Variants in EYS observed in about 807,000 individuals in gnomAD.
EYS encodes the protein protein eyes shut homolog.
In EYS, 250 loss-of-function variants were observed where a neutral mutation model predicts 282.1. That is an observed-to-expected ratio of 0.89 (90% CI 0.80 to 0.98). The LOEUF is 0.98. EYS is among the 50% of genes least tolerant of loss of function. The pLI is 0.00. For synonymous variants in EYS, 1,355 were observed against 1,282.9 expected, an observed-to-expected ratio of 1.06 and a Z score of -1.20; for missense variants, 4,016 against 3,709.0, an observed-to-expected ratio of 1.08 and a Z score of -2.15.
chr6:65,493,138 C>T (rs1351154666), intron 4 of EYS, among the ~76,000 whole-genome samples: 1 of 152,152 alleles, frequency 6.6e-6, no homozygotes, highest in Non-Finnish European at 1.5e-5. Context: ...TGGTCTTGAA[C>T]TCCTTACCTC....
chr6:65,364,702 TC>T (rs1241169086), intron 8 of EYS, among the ~76,000 whole-genome samples: 10 of 151,620 alleles, frequency 6.6e-5, no homozygotes, highest in African/African-American at 2.4e-4. Flanking sequence ...CTTTTAAAGT[TC>T]AGCTCCTTCT....
intron 11 of EYS, among the ~76,000 whole-genome samples, chr6:65,317,501 T>C (rs1769325009): frequency 6.6e-6 from 1 of 152,244 alleles, no homozygotes; most frequent in Non-Finnish European, 1.5e-5. Context: ...TGAATGTCTT[T>C]GATTCTGTTA....
intron 8 of EYS, among the ~76,000 whole-genome samples, chr6:65,355,918 G>T (rs1764462508): frequency 6.6e-6 from 1 of 151,970 alleles, no homozygotes; most frequent in African/African-American, 2.4e-5. Flanking sequence ...AAATCGTATG[G>T]GAATTTCTCA....
chr6:63,843,892 T>C (rs900191120), intron 36 of EYS, among the ~76,000 whole-genome samples: 1 of 152,212 alleles, frequency 6.6e-6, no homozygotes, highest in Non-Finnish European at 1.5e-5. Context: ...GTGCAGGGTG[T>C]GCAGGTTTGT....
rs1232619157 is a variant in EYS, at chr6:64,927,063, G to A, written c.2382-14320C>T. Among the ~76,000 whole-genome samples, 3 of 152,146 alleles carry A rather than the reference G, an allele frequency of 2.0e-5. No homozygotes were observed. In the East Asian group the frequency reaches 5.8e-4, roughly 29 times the overall value. ...GGACCATGTCTTGATGTATGGCTTTGCAATAGGTATAGAAATGTTCAAATG... is the reference window on the plus strand; with the variant it reads ...GGACCATGTCTTGATGTATGGCTTTACAATAGGTATAGAAATGTTCAAATG... On this transcript the variant is annotated intron_variant, in intron 15 of 42. Coordinates refer to ENST00000503581, the MANE Select transcript of EYS (RefSeq NM_001142800.2).
chr6:65,328,736 A>G (rs1294566175), intron 11 of EYS, among the ~76,000 whole-genome samples: 1 of 147,054 alleles, frequency 6.8e-6, no homozygotes, highest in Non-Finnish European at 1.5e-5. Flanking sequence ...ATGTGAAAAT[A>G]TTATAATTAT....
intron 22 of EYS, among the ~76,000 whole-genome samples, chr6:64,695,429 C>A (rs1289308136): frequency 2.0e-5 from 3 of 152,044 alleles, no homozygotes; most frequent in African/African-American, 7.2e-5. Context: ...ACTGAGAAGG[C>A]CTTCAGCTCA....
intron 1 of EYS, among the ~76,000 whole-genome samples, chr6:65,661,358 G>A (rs1220118865): frequency 6.6e-6 from 1 of 151,930 alleles, no homozygotes; most frequent in Non-Finnish European, 1.5e-5. Context: ...TCCATGTAGT[G>A]ACCATTATTA....
At chr6:64,359,780 G>T (rs1365687604) in intron 29 of EYS, among the ~76,000 whole-genome samples, 1 of 151,572 alleles carries the variant, frequency 6.6e-6, no homozygotes, top group Non-Finnish European at 1.5e-5. Context: ...TTGGATTAGG[G>T]CCCCATCCTT....
At chr6:64,335,038 G>A (rs774915487) in intron 29 of EYS, among the ~76,000 whole-genome samples, 1 of 152,016 alleles carries the variant, frequency 6.6e-6, no homozygotes, top group African/African-American at 2.4e-5. Context: ...CCGAATAATG[G>A]TTCTGCAAAA....
chr6:63,967,436 A>G (rs531625222), intron 35 of EYS, among the ~76,000 whole-genome samples: 20 of 152,172 alleles, frequency 1.3e-4, no homozygotes, highest in Non-Finnish European at 2.6e-4. Flanking sequence ...TATTTTTAAA[A>G]CTGTGGTATA....
intron 12 of EYS, among the ~76,000 whole-genome samples, chr6:65,285,063 G>A (rs1446784800): frequency 6.6e-6 from 1 of 151,736 alleles, no homozygotes; most frequent in Admixed American, 6.6e-5. Flanking sequence ...TGAAAAAAAA[G>A]AAAAAAGAAT....
At chr6:65,118,871 C>A (rs1775451145) in intron 12 of EYS, among the ~76,000 whole-genome samples, 1 of 134,794 alleles carries the variant, frequency 7.4e-6, no homozygotes. Context: ...TTCACAGGTT[C>A]TTTAAGGAAA....
intron 29 of EYS, among the ~76,000 whole-genome samples, chr6:64,336,705 A>G (rs970710445): frequency 3.9e-5 from 6 of 152,144 alleles, no homozygotes; most frequent in Non-Finnish European, 8.8e-5. Context: ...ACTTTCTCCA[A>G]GGTAGACCAT....
chr6:65,550,192 A>G (rs1287755278), intron 2 of EYS, among the ~76,000 whole-genome samples: 1 of 2,386 alleles, frequency 4.2e-4, no homozygotes, highest in Non-Finnish European at 5.5e-4. Flanking sequence ...TTTTGGGGAT[A>G]AGACCATCTT....
rs1168602998 is a variant in EYS at position 65,371,995 on chromosome 6, A to C, written c.1299+12391T>G. ...GTCACTCTTGTTGAGGATAATTGTAAAAAAAAAAAAAAGCAAAACTGATTT... is the reference window on the plus strand; with the variant it reads ...GTCACTCTTGTTGAGGATAATTGTACAAAAAAAAAAAAGCAAAACTGATTT... On this transcript the variant is annotated intron_variant, in intron 8 of 42. Transcript: ENST00000503581. Among the ~76,000 whole-genome samples, 140 of 62,374 alleles carry C rather than the reference A, an allele frequency of 2.2e-3. 1 individual carries two copies. The highest frequency in any genetic ancestry group is 2.6e-3 in the Non-Finnish European group (74 of 28,856). The allele number at this position is 62,374 out of a possible 152,430, so 40.9% of individuals were successfully genotyped here.
At chr6:63,764,318 A>G (rs1769728219) in intron 40 of EYS, among the ~76,000 whole-genome samples, 1 of 152,004 alleles carries the variant, frequency 6.6e-6, no homozygotes, top group Non-Finnish European at 1.5e-5. Context: ...AAATGGAGAC[A>G]AACAAAATAC....
At chr6:65,560,126 C>G (rs1420947287) in intron 2 of EYS, among the ~76,000 whole-genome samples, 1 of 148,262 alleles carries the variant, frequency 6.7e-6, no homozygotes, top group Non-Finnish European at 1.5e-5. Context: ...TACTAATATA[C>G]TAAGATGCTA....
intron 26 of EYS, among the ~76,000 whole-genome samples, chr6:64,517,557 A>C (rs113381847): frequency 2.1e-4 from 32 of 151,910 alleles, no homozygotes; most frequent in African/African-American, 7.2e-4. Flanking sequence ...GTTGTTGGAG[A>C]ACAAGCGGAC....
Sources: gnomAD v4.1 joint callset for allele counts (sites outside exome capture counted in the v4.1 genomes callset) on GRCh38, gnomAD v4.1.1 for gene constraint, MANE v1.5 for transcripts, NCBI Gene and HGNC (gene_info 2026-07-23, HGNC 2026-07-21) for gene names.